TMEM74: variants seen among roughly 807,000 people sequenced by gnomAD.
The protein encoded by TMEM74 is transmembrane protein 74.
Under a neutral mutation model 18.1 loss-of-function variants are expected in TMEM74, and 13 were observed. The observed-to-expected ratio is 0.72, with a 90% CI of 0.47 to 1.14. The LOEUF (loss-of-function observed/expected upper bound fraction) is 1.14. Among genes scored for constraint, TMEM74 ranks in the 50% most tolerant of loss-of-function variants. The pLI, the probability that TMEM74 is intolerant of heterozygous loss-of-function variation, is 0.00. For synonymous variants in TMEM74, 159 were observed against 146.6 expected (o/e 1.08, Z -0.61); for missense variants, 372 against 375.9 (o/e 0.99, Z 0.09).
At chr8:108,667,256 G>A (rs1467362407) in intron 1 of TMEM74, among the ~76,000 whole-genome samples, 2 of 152,168 alleles carry the variant, frequency 1.3e-5, no homozygotes, top group African/African-American at 2.4e-5. Flanking sequence ...AGGCACATAA[G>A]ACTGACCAAT....
downstream of TMEM74, among the ~76,000 whole-genome samples, chr8:108,777,661 CTT>C (rs1277951118): frequency 1.3e-5 from 2 of 152,142 alleles, no homozygotes; most frequent in Non-Finnish European, 2.9e-5. Context: ...TCCTTCTAAA[CTT>C]AATATATAAT....
At chr8:108,660,522 C>G (rs1451249513) in intron 1 of TMEM74, among the ~76,000 whole-genome samples, 2 of 152,160 alleles carry the variant, frequency 1.3e-5, no homozygotes, top group African/African-American at 4.8e-5. Context: ...AGAAACCTTA[C>G]CCAGTCCCTG....
At chr8:108,658,458 G>C (rs1318606336) in intron 1 of TMEM74, among the ~76,000 whole-genome samples, 1 of 152,130 alleles carries the variant, frequency 6.6e-6, no homozygotes. Context: ...TGAGAGAAAT[G>C]AGTGGGTCTC....
chr8:108,765,858 A>G (rs1305239527), intron 1 of TMEM74, among the ~76,000 whole-genome samples: 1 of 152,168 alleles, frequency 6.6e-6, no homozygotes. Context: ...CCTTATCTAA[A>G]TCTAAAGTGC....
chr8:108,725,025 A>T (rs1220201970), intron 1 of TMEM74, among the ~76,000 whole-genome samples: 1 of 152,128 alleles, frequency 6.6e-6, no homozygotes, highest in Non-Finnish European at 1.5e-5. Context: ...GTTCTGCTTC[A>T]TTCACAAGCT....
At chr8:108,769,431 C>A (rs1177252310) in intron 1 of TMEM74, among the ~76,000 whole-genome samples, 1 of 152,018 alleles carries the variant, frequency 6.6e-6, no homozygotes, top group East Asian at 1.9e-4. Flanking sequence ...AAGCCTCCAC[C>A]CACAGCCACC....
At chr8:108,670,771 T>C (rs1256733432) in intron 1 of TMEM74, among the ~76,000 whole-genome samples, 3 of 152,092 alleles carry the variant, frequency 2.0e-5, no homozygotes, top group African/African-American at 7.2e-5. Flanking sequence ...ACCGTAATAT[T>C]AGGACCCAGC....
At chr8:108,613,011 C>G (rs960480921) in intron 2 of TMEM74, among the ~76,000 whole-genome samples, 2 of 152,138 alleles carry the variant, frequency 1.3e-5, no homozygotes, top group East Asian at 1.9e-4. Context: ...ACATAAACTT[C>G]TGAATTATAA....
At chr8:108,619,446 T>G (rs778017656) in intron 2 of TMEM74, among the ~76,000 whole-genome samples, 2 of 152,174 alleles carry the variant, frequency 1.3e-5, no homozygotes, top group African/African-American at 2.4e-5. Context: ...GCCTGTCCAC[T>G]TTCCACAATT....
Position 108,654,020 on chromosome 8 carries a change from A to G in TMEM74, n.264+1273T>C, listed in dbSNP as rs147670006. Among the ~76,000 whole-genome samples the G allele has an allele frequency of 7.7e-3, 1,177 of 152,298 alleles. 11 individuals carry two copies. Among genetic ancestry groups the G allele is most frequent in the Non-Finnish European group, 0.012 (827 of 68,036 alleles). On this transcript the variant is annotated intron_variant and non_coding_transcript_variant, in intron 2 of 3. Coordinates refer to the TMEM74 transcript ENST00000518838. ...AATTTACATTAAAACATACTTACAT[A>G]AATAAAAAATATTAAAAAGCAAACA... is the stretch of plus-strand genomic sequence containing the variant.
intron 1 of TMEM74, among the ~76,000 whole-genome samples, chr8:108,725,345 T>C (rs1813626615): frequency 6.6e-6 from 1 of 152,220 alleles, no homozygotes; most frequent in Non-Finnish European, 1.5e-5. Context: ...AAGAGATGCC[T>C]TGTTCATCTC....
chr8:108,784,268 A>G lies in TMEM74; in HGVS notation c.831T>C (p.Ser277=), dbSNP rs775286451. The part of the protein sequence containing the change: ...SSKESAKLYG[S]FNFRMKTSTN... ...TGCTGGTTTTCATCCTGAAGTTGAA[A>G]GAACCATAGAGTTTTGCAGACTCTT... Residue 277 remains serine (S), a synonymous_variant, in exon 2 of 2, where the codon TCT becomes TCC. Coordinates refer to ENST00000297459, the MANE Select transcript of TMEM74 (RefSeq NM_153015.3). 1 of 1,614,218 alleles carries G rather than the reference A, an allele frequency of 6.2e-7. No individual in the cohort carries two copies.
At chr8:108,634,432 A>G (rs1227698687) in intron 2 of TMEM74, among the ~76,000 whole-genome samples, 2 of 151,862 alleles carry the variant, frequency 1.3e-5, no homozygotes, top group Non-Finnish European at 2.9e-5. Context: ...CTCTCCCAAC[A>G]CTGTACATTA....
At chr8:108,680,960 G>T (rs924324294) in intron 1 of TMEM74, among the ~76,000 whole-genome samples, 1 of 152,088 alleles carries the variant, frequency 6.6e-6, no homozygotes, top group African/African-American at 2.4e-5. Context: ...AACTTACAAG[G>T]GATGTGAAGG....
chr8:108,651,740 C>A (rs1812776471), intron 2 of TMEM74, among the ~76,000 whole-genome samples: 1 of 151,644 alleles, frequency 6.6e-6, no homozygotes, highest in Non-Finnish European at 1.5e-5. Context: ...CCCCAGTTGA[C>A]AAGGAGAAAC....
chr8:108,726,681 A>T (rs1813642143), intron 1 of TMEM74, among the ~76,000 whole-genome samples: 1 of 152,164 alleles, frequency 6.6e-6, no homozygotes. Flanking sequence ...CATTCATTCA[A>T]CAACTATTCA....
intron 2 of TMEM74, among the ~76,000 whole-genome samples, chr8:108,621,660 T>A (rs1163398920): frequency 6.6e-6 from 1 of 152,166 alleles, no homozygotes; most frequent in African/African-American, 2.4e-5. Flanking sequence ...CAACATGACA[T>A]CTCTGCTGAG....
At chr8:108,642,933 A>G (rs926285664) in intron 2 of TMEM74, among the ~76,000 whole-genome samples, 1 of 152,204 alleles carries the variant, frequency 6.6e-6, no homozygotes, top group Non-Finnish European at 1.5e-5. Flanking sequence ...CCATAGAAAA[A>G]TAAAACATCT....
chr8:108,640,607 G>C (rs1035063727), intron 2 of TMEM74, among the ~76,000 whole-genome samples: 1 of 151,526 alleles, frequency 6.6e-6, no homozygotes, highest in Non-Finnish European at 1.5e-5. Flanking sequence ...CTTATTTCAG[G>C]CTCAGGGCAT....
Sources: allele counts gnomAD v4.1 joint callset (sites outside exome capture counted in the v4.1 genomes callset), GRCh38; gene constraint gnomAD v4.1.1; transcripts MANE v1.5; gene names NCBI Gene and HGNC (gene_info 2026-07-23, HGNC 2026-07-21).